The following STAG1 variants were observed in gnomAD, a reference collection of about 807,000 sequenced individuals.
The protein encoded by STAG1 is cohesin subunit SA-1.
STAG1 carries 26 observed loss-of-function variants against 170.9 expected under a neutral mutation model. The ratio of observed to expected loss-of-function variants is 0.15; its 90% CI spans 0.11 to 0.21. The LOEUF (loss-of-function observed/expected upper bound fraction) is 0.21, where lower values mean the gene tolerates loss of function less well. Among genes scored for constraint, STAG1 ranks in the 10% least tolerant of loss-of-function variants. The probability of loss-of-function intolerance (pLI) is 1.00; values close to 1 mark genes in which losing one functional copy is unlikely to be tolerated. For synonymous variants in STAG1, 514 were observed against 497.7 expected (o/e 1.03, Z -0.44); for missense variants, 964 against 1,509.5 (o/e 0.64, Z 5.99).
At chr3:136,563,937 T>C (rs1478343208) in intron 5 of STAG1, among the ~76,000 whole-genome samples, 1 of 151,922 alleles carries the variant, frequency 6.6e-6, no homozygotes, top group Non-Finnish European at 1.5e-5. Flanking sequence ...GCAGGAGAAC[T>C]GCTTGAACCC....
rs78602690 is a variant in STAG1 at position 136,570,289 on chromosome 3, C to T, written c.298-1428G>A. Among the ~76,000 whole-genome samples, 1,139 of 152,260 alleles carry T rather than the reference C, an allele frequency of 7.5e-3. 18 individuals carry two copies. The highest frequency in any genetic ancestry group is 0.026 in the African/African-American group (1,086 of 41,542). Reference sequence around the variant, plus strand: ...ATTAGTTTGACATGATATTGAAACTCATATAAATGATATCATCTTTTTTTA... The same window carrying T: ...ATTAGTTTGACATGATATTGAAACTTATATAAATGATATCATCTTTTTTTA... On this transcript the variant is annotated intron_variant, in intron 4 of 33. Coordinates refer to ENST00000383202, the MANE Select transcript of STAG1 (RefSeq NM_005862.3).
chr3:136,511,182 G>T (rs928980660), intron 7 of STAG1, among the ~76,000 whole-genome samples: 5 of 152,178 alleles, frequency 3.3e-5, no homozygotes, highest in African/African-American at 1.2e-4. Context: ...TGCCATGATT[G>T]TAAGTTTCCT....
At chr3:136,512,096 TAAAA>T (rs35238532) in intron 7 of STAG1, among the ~76,000 whole-genome samples, 5 of 68,314 alleles carry the variant, frequency 7.3e-5, no homozygotes, top group African/African-American at 1.3e-4. Context: ...CTCTACAAAA[TAAAA>T]AAAAAAAAAA....
chr3:136,473,417 G>T, intron 11 of STAG1, 122 bp downstream of exon 11: 1 of 687,096 alleles, frequency 1.5e-6, no homozygotes, highest in Non-Finnish European at 2.3e-6. Context: ...CAAAAAGGTT[G>T]GGGACTGCTG....
At chr3:136,529,796 G>C (rs1215225414) in intron 6 of STAG1, among the ~76,000 whole-genome samples, 2 of 151,792 alleles carry the variant, frequency 1.3e-5, no homozygotes. Context: ...AAACAACAAA[G>C]AAAAACAATA....
At chr3:136,519,625 A>C (rs778170451) in intron 7 of STAG1, among the ~76,000 whole-genome samples, 9 of 152,084 alleles carry the variant, frequency 5.9e-5, no homozygotes, top group Non-Finnish European at 1.2e-4. Flanking sequence ...GACGAAAAGG[A>C]ACAGAAAGTA....
chr3:136,443,429 C>T (rs1177417844), intron 14 of STAG1, 25 bp from the exon 15 acceptor site: 3 of 1,465,024 alleles, frequency 2.0e-6, no homozygotes, highest in Non-Finnish European at 2.8e-6. Context: ...TCAAGTGTGA[C>T]CAAAGAATAT....
intron 7 of STAG1, chr3:136,518,310 G>A (rs542867653): frequency 9.2e-5 from 61 of 660,686 alleles, no homozygotes; most frequent in South Asian, 2.8e-4. Context: ...TTCCAAAGCC[G>A]ATAATCATAT....
chr3:136,384,813 C>T lies in STAG1; in HGVS notation c.2278-7061G>A, dbSNP rs889284849. ...AGTAAGAAATTTGAAAGTTGAATTA[C>T]TCAAATATATTTATATATAAACAAA... On this transcript the variant is annotated intron_variant, in intron 22 of 33. Coordinates refer to ENST00000383202, the MANE Select transcript of STAG1 (RefSeq NM_005862.3). 2.7e-5 allele frequency among the ~76,000 whole-genome samples: 4 copies of T among 149,878 alleles called. No individual in the cohort carries two copies. The South Asian group carries it at 6.3e-4, about 24-fold the overall frequency.
intron 22 of STAG1, among the ~76,000 whole-genome samples, chr3:136,383,882 G>C (rs1452194431): frequency 2.0e-5 from 3 of 150,264 alleles, no homozygotes; most frequent in Non-Finnish European, 4.4e-5. Flanking sequence ...ATGAACCTAG[G>C]AGGCAGAGCT....
chr3:136,452,480 C>A (rs2088972879), intron 13 of STAG1, among the ~76,000 whole-genome samples: 1 of 151,238 alleles, frequency 6.6e-6, no homozygotes. Context: ...AGGAGAATGG[C>A]ATGAACCCAG....
intron 3 of STAG1, among the ~76,000 whole-genome samples, chr3:136,617,055 T>TA (rs200630420): frequency 1.3e-5 from 2 of 151,926 alleles, no homozygotes; most frequent in Non-Finnish European, 2.9e-5. Flanking sequence ...AATTTAGGAT[T>TA]AAAAAAAACA....
chr3:136,466,985 C>T (rs1024766546), intron 12 of STAG1, among the ~76,000 whole-genome samples: 1 of 152,148 alleles, frequency 6.6e-6, no homozygotes, highest in East Asian at 1.9e-4. Flanking sequence ...GCCTGCCCTA[C>T]AAGAGCTCCT....
intron 23 of STAG1, among the ~76,000 whole-genome samples, chr3:136,376,021 T>TTAATTAAC (rs1560069467): frequency 2.8e-5 from 4 of 144,168 alleles, no homozygotes; most frequent in African/African-American, 1.0e-4. Context: ...ATTAACAAAA[T>TTAATTAAC]AAAATAAAAT....
chr3:136,710,710 A>G (rs908485360), intron 1 of STAG1, among the ~76,000 whole-genome samples: 2 of 152,190 alleles, frequency 1.3e-5, no homozygotes, highest in Non-Finnish European at 2.9e-5. Context: ...AATAGTAAAT[A>G]AACCATTTTA....
At chr3:136,709,909 C>A (rs1227549681) in intron 1 of STAG1, among the ~76,000 whole-genome samples, 1 of 152,058 alleles carries the variant, frequency 6.6e-6, no homozygotes, top group Admixed American at 6.6e-5. Context: ...GTGGCACACA[C>A]CTGTAATCCC....
At chr3:136,435,512 C>T (rs550277529) in intron 15 of STAG1, among the ~76,000 whole-genome samples, 13 of 152,100 alleles carry the variant, frequency 8.5e-5, no homozygotes, top group Non-Finnish European at 1.9e-4. Flanking sequence ...ACCATATCTC[C>T]CAGAACTCTC....
At chr3:136,509,831 T>A (rs1478395169) in intron 7 of STAG1, among the ~76,000 whole-genome samples, 1 of 152,184 alleles carries the variant, frequency 6.6e-6, no homozygotes, top group Non-Finnish European at 1.5e-5. Context: ...AGTAAAAAAC[T>A]GCATTTATAT....
At chr3:136,369,913 C>T (rs988033428) in intron 23 of STAG1, among the ~76,000 whole-genome samples, 18 of 152,162 alleles carry the variant, frequency 1.2e-4, no homozygotes, top group Middle Eastern at 3.4e-3. Flanking sequence ...ACATTACTCA[C>T]GAGTTTGTTG....
Sources: allele counts gnomAD v4.1 joint callset (sites outside exome capture counted in the v4.1 genomes callset), GRCh38; gene constraint gnomAD v4.1.1; transcripts MANE v1.5; gene names NCBI Gene and HGNC (gene_info 2026-07-23, HGNC 2026-07-21).